The following PRKCZ variants were observed in gnomAD, a reference collection of about 807,000 sequenced individuals.
PRKCZ encodes the protein protein kinase C zeta type.
A neutral mutation model predicts 79.5 loss-of-function variants in PRKCZ; 33 were observed. The ratio of observed to expected loss-of-function variants is 0.41; its 90% CI spans 0.31 to 0.55. The LOEUF (loss-of-function observed/expected upper bound fraction) is 0.55. PRKCZ is among the 20% of genes least tolerant of loss of function. PRKCZ has a pLI of 0.19. For synonymous variants in PRKCZ, 342 were observed against 320.9 expected, an observed-to-expected ratio of 1.07 and a Z score of -0.70; for missense variants, 578 against 813.5, an observed-to-expected ratio of 0.71 and a Z score of 3.52.
At chr1:2,142,858 G>T (rs1041901907) in intron 5 of PRKCZ, 1 of 153,134 alleles carries the variant, frequency 6.5e-6, no homozygotes, top group African/African-American at 2.4e-5. Flanking sequence ...TGATGAGCAG[G>T]AGAGTCCCGT....
rs369208429 is a variant in PRKCZ, at chr1:2,173,871, G to A, written c.1286-26G>A. On this transcript the variant is annotated intron_variant, in intron 13 of 17. Transcript: ENST00000378567. The surrounding 1 kb of genome is among the most constrained non-coding windows in gnomAD (Gnocchi z 5.7). ...GCTGCCGGCCCATGTGGCCCCACTC[G>A]GTGATGGCTGTGTGCTCTCCCCCAG... The A allele has an allele frequency of 3.7e-5, 58 of 1,561,836 alleles. 1 individual carries two copies. Among genetic ancestry groups the A allele is most frequent in the East Asian group, 9.5e-5 (4 of 41,940 alleles).
chr1:2,108,171 C>T (rs1668968741), intron 4 of PRKCZ, among the ~76,000 whole-genome samples: 1 of 152,254 alleles, frequency 6.6e-6, no homozygotes, highest in African/African-American at 2.4e-5. Context: ...CTCGAGTACC[C>T]GTGTGATCTC....
At chr1:2,115,383 T>C (rs1670554124) in intron 4 of PRKCZ, among the ~76,000 whole-genome samples, 1 of 152,246 alleles carries the variant, frequency 6.6e-6, no homozygotes, top group Admixed American at 6.5e-5. Flanking sequence ...AGGAGTGGAG[T>C]TTCCGGGAAA....
At chr1:2,090,206 C>T (rs975126929) in intron 4 of PRKCZ, among the ~76,000 whole-genome samples, 4 of 152,216 alleles carry the variant, frequency 2.6e-5, no homozygotes, top group Non-Finnish European at 4.4e-5. Flanking sequence ...GGGGTCAGGA[C>T]GGCAGCTTGG....
At chr1:2,055,951 G>A (rs78824488) in intron 2 of PRKCZ, 7 of 197,672 alleles carry the variant, frequency 3.5e-5, no homozygotes, top group East Asian at 1.3e-4. Flanking sequence ...AGGGCCTGCC[G>A]TGTCCACCTC....
chr1:2,116,309 A>T (rs555835949), intron 4 of PRKCZ: 4 of 152,310 alleles, frequency 2.6e-5, no homozygotes, highest in Admixed American at 6.5e-5. Context: ...GCGACGGCTG[A>T]GGTGAGCTGC....
rs576407667 is a variant in PRKCZ at position 2,083,905 on chromosome 1, C to T, written c.334+24314C>T. ...AAAATCCGCTGGTCTCTTTTGCGCT[C>T]GAATAGGTTTCTTACGCGTGCGTGT... On this transcript the variant is annotated intron_variant, in intron 4 of 17. Coordinates refer to ENST00000378567, the MANE Select transcript of PRKCZ (RefSeq NM_002744.6). Among the ~76,000 whole-genome samples, 59 of 152,300 alleles carry T rather than the reference C, an allele frequency of 3.9e-4. 2 individuals carry two copies. The South Asian group carries it at 0.012, about 30-fold the overall frequency.
rs1295098405 is a variant in PRKCZ, at chr1:2,127,658, G to A, written c.335-7604G>A. Among the ~76,000 whole-genome samples the A allele has an allele frequency of 6.6e-6, 1 of 152,222 alleles. No homozygotes were observed. The highest frequency in any genetic ancestry group is 1.5e-5 in the Non-Finnish European group (1 of 68,030). On this transcript the variant is annotated intron_variant, in intron 4 of 17. Coordinates refer to ENST00000378567, the MANE Select transcript of PRKCZ (RefSeq NM_002744.6). The surrounding 1 kb of genome is among the most constrained non-coding windows in gnomAD (Gnocchi z 5.1). ...GGTGCAGGTGTAGCCGAGGCTCAGGGGCTCCACACCAGGCAAATAGGCGAA... is the reference window on the plus strand; with the variant it reads ...GGTGCAGGTGTAGCCGAGGCTCAGGAGCTCCACACCAGGCAAATAGGCGAA...
intron 1 of PRKCZ, among the ~76,000 whole-genome samples, chr1:2,053,752 G>A (rs1238166511): frequency 2.0e-5 from 3 of 152,230 alleles, no homozygotes; most frequent in Non-Finnish European, 4.4e-5. Context: ...TGGAGTTCCT[G>A]GTGGTCAGAC....
chr1:2,181,741 C>G (rs262690), intron 16 of PRKCZ: 12,232 of 450,064 alleles, frequency 0.027, 993 homozygotes, highest in African/African-American at 0.19. Flanking sequence ...TGTTCCCACC[C>G]CTGCTGCTTA....
At chr1:2,157,625 C>T (rs533153582) in intron 10 of PRKCZ, among the ~76,000 whole-genome samples, 4 of 151,844 alleles carry the variant, frequency 2.6e-5, no homozygotes, top group African/African-American at 7.2e-5. Context: ...AGGCGGGTCT[C>T]GAACTCCTGA....
chr1:2,057,779 A>C (rs1186162693), intron 3 of PRKCZ, among the ~76,000 whole-genome samples: 1 of 151,862 alleles, frequency 6.6e-6, no homozygotes, highest in East Asian at 1.9e-4. Flanking sequence ...ATCTCTGTTC[A>C]CTGCAACCTC....
chr1:2,183,312 C>T (rs1572064855), intron 16 of PRKCZ, among the ~76,000 whole-genome samples: 1 of 151,736 alleles, frequency 6.6e-6, no homozygotes, highest in African/African-American at 2.4e-5. Context: ...AGGAGAATAG[C>T]TTGAATCGGA....
At position 2,165,298 on chromosome 1, in the gene PRKCZ, T is replaced by C. The variant is rs1285380170; in HGVS notation, c.975-4220T>C. Among the ~76,000 whole-genome samples the C allele has an allele frequency of 1.3e-5, 2 of 152,194 alleles. No homozygotes were observed. Among genetic ancestry groups the C allele is most frequent in the Admixed American group, 1.3e-4 (2 of 15,282 alleles). ...GTGCTGTCACCGCTGTGATGTCCGCTGTGAGGTGGGGACAGGACCTGGAAG... is the reference window on the plus strand; with the variant it reads ...GTGCTGTCACCGCTGTGATGTCCGCCGTGAGGTGGGGACAGGACCTGGAAG... On this transcript the variant is annotated intron_variant, in intron 10 of 17. Transcript: ENST00000378567. The surrounding 1 kb of genome is among the most constrained non-coding windows in gnomAD (Gnocchi z 4.1).
At position 2,078,274 on chromosome 1, in the gene PRKCZ, G is replaced by A. The variant is rs564519682; in HGVS notation, c.334+18683G>A. On this transcript the variant is annotated intron_variant, in intron 4 of 17. Transcript: ENST00000378567. The stretch of plus-strand genomic sequence containing the variant: ...CAGCTGTCTGAGAAAGATGGCGTGG[G>A]AGGCCAGTTTGGGGGATCTAGTTGG... Among the ~76,000 whole-genome samples, 97 of 152,380 alleles carry A rather than the reference G, an allele frequency of 6.4e-4. No individual in the cohort carries two copies. The South Asian group carries it at 0.019, about 30-fold the overall frequency.
At chr1:2,179,819 C>A (rs1269123259) in intron 16 of PRKCZ, among the ~76,000 whole-genome samples, 1 of 152,044 alleles carries the variant, frequency 6.6e-6, no homozygotes, top group Non-Finnish European at 1.5e-5. Context: ...GACTTTCCCA[C>A]GTGCGACAGG....
chr1:2,098,728 C>T (rs1247229805), intron 4 of PRKCZ, among the ~76,000 whole-genome samples: 1 of 152,178 alleles, frequency 6.6e-6, no homozygotes, highest in African/African-American at 2.4e-5. Flanking sequence ...GTCGCCCAGG[C>T]TGGAGTGCAG....
intron 16 of PRKCZ, 40 bp from the exon 17 acceptor site, chr1:2,184,543 G>T (rs377346377): frequency 4.0e-6 from 6 of 1,500,802 alleles, no homozygotes; most frequent in Non-Finnish European, 3.7e-6. Flanking sequence ...TAGGGATGAT[G>T]CCCGCGCGGA....
chr1:2,172,230 T>C lies in PRKCZ; in HGVS notation c.1197+40T>C, dbSNP rs752729123. Reference sequence around the variant, plus strand: ...CCGCCTCCCCTGACCATCCCGCATGTGCGTCTCGGGGCGCCTGTCCCGCGG... The same window carrying C: ...CCGCCTCCCCTGACCATCCCGCATGCGCGTCTCGGGGCGCCTGTCCCGCGG... On this transcript the variant is annotated intron_variant, in intron 12 of 17. Transcript: ENST00000378567. The surrounding 1 kb of genome is among the most constrained non-coding windows in gnomAD (Gnocchi z 7.8). 4 of 1,613,336 alleles carry C rather than the reference T, an allele frequency of 2.5e-6. No individual in the cohort carries two copies. The highest frequency in any genetic ancestry group is 1.7e-5 in the Admixed American group (1 of 59,988).
Sources: allele counts gnomAD v4.1 joint callset (sites outside exome capture counted in the v4.1 genomes callset), GRCh38; gene constraint gnomAD v4.1.1; non-coding constraint Gnocchi (gnomAD v3.1); transcripts MANE v1.5; gene names NCBI Gene and HGNC (gene_info 2026-07-23, HGNC 2026-07-21).